Variants in DSE observed in about 807,000 individuals in gnomAD.
DSE encodes the protein dermatan sulfate epimerase.
DSE carries 36 observed loss-of-function variants against 84.4 expected under a neutral mutation model. The ratio of observed to expected loss-of-function variants is 0.43; its 90% confidence interval spans 0.33 to 0.56. The LOEUF is 0.56. Ranked by LOEUF, DSE falls within the 20% of genes least tolerant of loss-of-function variation. The pLI is 0.06. For synonymous variants in DSE, 410 were observed against 430.1 expected, an observed-to-expected ratio of 0.95 and a Z score of 0.58; for missense variants, 862 against 1,169.6, an observed-to-expected ratio of 0.74 and a Z score of 3.84.
At chr6:116,369,925 T>C (rs902206934), upstream of DSE, 57 of 1,289,244 alleles carry the variant, frequency 4.4e-5, no homozygotes, top group Admixed American at 1.4e-4. Context: ...TTCTAATGAA[T>C]GGGTAAGTAT....
intron 2 of DSE, chr6:116,401,256 A>C (rs1781574427): frequency 6.6e-6 from 1 of 152,162 alleles, no homozygotes; most frequent in African/African-American, 2.4e-5. Context: ...TGAAAAGAGA[A>C]ATAAATAACT....
Position 116,436,580 on chromosome 6 carries a change from A to G in DSE, c.2112A>G (p.Thr704=). 1 of 1,614,200 alleles carries G rather than the reference A, an allele frequency of 6.2e-7. No individual in the cohort carries two copies. Among genetic ancestry groups the G allele is most frequent in the Non-Finnish European group, 8.5e-7 (1 of 1,180,020 alleles). Residue 704 remains threonine, a synonymous_variant, in exon 6 of 6, where the codon ACA becomes ACG. Coordinates refer to ENST00000644252, the MANE Select transcript of DSE (RefSeq NM_013352.4). ...CATACCTGTGGACAGGTGAGGCCAC[A>G]GGACAGTCTGCCTTTGCACAGGTCA... ...YATYLWTGEA[T]GQSAFAQVIA...
At chr6:116,370,066 T>G (rs914511107), upstream of DSE, 5 of 832,954 alleles carry the variant, frequency 6.0e-6, no homozygotes, top group Non-Finnish European at 5.1e-6. Flanking sequence ...TGGGGCCTGG[T>G]TGGACCTGGC....
chr6:116,320,023 T>C (rs1471002284), intron 2 of DSE, among the ~76,000 whole-genome samples: 1 of 152,216 alleles, frequency 6.6e-6, no homozygotes, highest in Non-Finnish European at 1.5e-5. Context: ...TTTCTCAGGA[T>C]ATAAGCTGTG....
intron 2 of DSE, among the ~76,000 whole-genome samples, chr6:116,413,533 G>C (rs1583198314): frequency 6.6e-6 from 1 of 152,166 alleles, no homozygotes; most frequent in Non-Finnish European, 1.5e-5. Flanking sequence ...ACAGGCCTGT[G>C]ATTAATGATT....
chr6:116,380,491 A>G (rs1201330075), intron 1 of DSE, among the ~76,000 whole-genome samples: 4 of 152,098 alleles, frequency 2.6e-5, no homozygotes, highest in African/African-American at 9.7e-5. Context: ...AAAAGAGGAA[A>G]GGAGAAAGCA....
chr6:116,353,445 T>G (rs1279435731), intron 2 of DSE, among the ~76,000 whole-genome samples: 1 of 152,220 alleles, frequency 6.6e-6, no homozygotes, highest in Non-Finnish European at 1.5e-5. Context: ...ATGAGTGCCT[T>G]CTTAATTTCC....
intron 1 of DSE, among the ~76,000 whole-genome samples, chr6:116,382,723 A>C (rs551427348): frequency 6.6e-6 from 1 of 152,272 alleles, no homozygotes; most frequent in Admixed American, 6.5e-5. Context: ...GATTTTACTG[A>C]GGAGTCAGTT....
Position 116,430,852 on chromosome 6 carries a change from A to G in DSE, c.671-102A>G, listed in dbSNP as rs180968242. The G allele has an allele frequency of 2.8e-5, 42 of 1,495,162 alleles. No homozygotes were observed. The East Asian group carries it at 9.1e-4, about 32-fold the overall frequency. The allele number at this position is 1,495,162 out of a possible 1,614,324, so 92.6% of individuals were successfully genotyped here. On this transcript the variant is annotated intron_variant, in intron 3 of 5. Coordinates refer to ENST00000644252, the MANE Select transcript of DSE (RefSeq NM_013352.4). Reference sequence around the variant, plus strand: ...GGAGTTTTACAAAACGCGATTTGTAATATAAACTAGTTAGATAACTCAGAG... The same window carrying G: ...GGAGTTTTACAAAACGCGATTTGTAGTATAAACTAGTTAGATAACTCAGAG...
At chr6:116,279,269 C>G (rs1249417824) in intron 2 of DSE, 17 of 1,601,694 alleles carry the variant, frequency 1.1e-5, no homozygotes, top group Admixed American at 1.7e-5. Context: ...TCCATCTGCT[C>G]CTCCATTACC....
chr6:116,377,721 A>G lies in DSE; in HGVS notation c.-54+6600A>G, dbSNP rs139963840. Reference sequence around the variant, plus strand: ...AAAAATCAGTAGGTCATTTAAAAATACTTTACACCAAGGTGCACTCAATAT... The same window carrying G: ...AAAAATCAGTAGGTCATTTAAAAATGCTTTACACCAAGGTGCACTCAATAT... On this transcript the variant is annotated intron_variant, in intron 1 of 5. Coordinates refer to ENST00000644252, the MANE Select transcript of DSE (RefSeq NM_013352.4). Among the ~76,000 whole-genome samples, 2 of 152,308 alleles carry G rather than the reference A, an allele frequency of 1.3e-5. 1 individual carries two copies. The highest frequency in any genetic ancestry group is 3.9e-4 in the East Asian group (2 of 5,192).
chr6:116,286,350 A>G (rs1773904429), intron 2 of DSE, among the ~76,000 whole-genome samples: 1 of 152,092 alleles, frequency 6.6e-6, no homozygotes, highest in Non-Finnish European at 1.5e-5. Context: ...CTTGATACAC[A>G]ATTTTCTTCT....
intron 2 of DSE, chr6:116,355,732 A>G (rs2114863652): frequency 6.6e-6 from 1 of 152,344 alleles, no homozygotes; most frequent in Non-Finnish European, 1.5e-5. Context: ...CCAGTCTACA[A>G]TGCAAATACT....
At chr6:116,359,388 T>C (rs1222041661) in intron 2 of DSE, among the ~76,000 whole-genome samples, 3 of 152,134 alleles carry the variant, frequency 2.0e-5, no homozygotes, top group Admixed American at 6.5e-5. Flanking sequence ...TTTTTAACGG[T>C]AGATTAGAAA....
chr6:116,312,748 T>G (rs1268316485), intron 2 of DSE, among the ~76,000 whole-genome samples: 2 of 152,108 alleles, frequency 1.3e-5, no homozygotes, highest in African/African-American at 4.8e-5. Context: ...TTACACATTG[T>G]TATGGATTGA....
At chr6:116,358,469 A>G (rs1778697572) in intron 2 of DSE, among the ~76,000 whole-genome samples, 1 of 152,198 alleles carries the variant, frequency 6.6e-6, no homozygotes, top group East Asian at 1.9e-4. Context: ...TGCCAGGTGT[A>G]GGGTAGAAAA....
chr6:116,280,893 C>G (rs951709612), intron 2 of DSE, among the ~76,000 whole-genome samples: 8 of 152,198 alleles, frequency 5.3e-5, no homozygotes, highest in Admixed American at 3.9e-4. Context: ...AGCTGGTGGA[C>G]TCAAGGTATA....
chr6:116,399,967 C>T, intron 2 of DSE: 1 of 336,852 alleles, frequency 3.0e-6, no homozygotes, highest in South Asian at 4.1e-5. Flanking sequence ...CTTCCATATT[C>T]AGCATGTATA....
At chr6:116,407,160 T>C (rs1781982867) in intron 2 of DSE, among the ~76,000 whole-genome samples, 1 of 152,198 alleles carries the variant, frequency 6.6e-6, no homozygotes, top group African/African-American at 2.4e-5. Flanking sequence ...CACTGAATCA[T>C]ATCTTCTTGG....
Sources: gnomAD v4.1 joint callset for allele counts (sites outside exome capture counted in the v4.1 genomes callset) on GRCh38, gnomAD v4.1.1 for gene constraint, MANE v1.5 for transcripts, NCBI Gene and HGNC (gene_info 2026-07-23, HGNC 2026-07-21) for gene names.